Variants in ATP8A1 observed in about 807,000 individuals in gnomAD.
ATP8A1 encodes ATPase phospholipid transporting 8A1.
Under a neutral mutation model 177.7 loss-of-function variants are expected in ATP8A1, and 90 were observed. That is an observed-to-expected ratio of 0.51 (90% confidence interval 0.43 to 0.60). ATP8A1 has a LOEUF of 0.60. Ranked by LOEUF, ATP8A1 falls within the 20% of genes least tolerant of loss-of-function variation. The probability of loss-of-function intolerance (pLI) is 0.00; values close to 1 mark genes in which losing one functional copy is unlikely to be tolerated. For synonymous variants in ATP8A1, 493 were observed against 485.9 expected (o/e 1.01, Z -0.19); for missense variants, 1,072 against 1,392.8 (o/e 0.77, Z 3.67).
chr4:42,467,094 G>C (rs571040939), intron 25 of ATP8A1, among the ~76,000 whole-genome samples: 1 of 152,336 alleles, frequency 6.6e-6, no homozygotes, highest in South Asian at 2.1e-4. Context: ...ATCTCTGCAA[G>C]GTGAGCTGAC....
At chr4:42,547,550 T>C (rs1260216846) in intron 19 of ATP8A1, among the ~76,000 whole-genome samples, 1 of 152,200 alleles carries the variant, frequency 6.6e-6, no homozygotes, top group Non-Finnish European at 1.5e-5. Flanking sequence ...AAAAAACGTA[T>C]CTAAATGGCA....
chr4:42,588,906 T>C (rs1733889650), intron 7 of ATP8A1, among the ~76,000 whole-genome samples: 2 of 152,238 alleles, frequency 1.3e-5, no homozygotes, highest in East Asian at 1.9e-4. Context: ...AGCGGATATA[T>C]AGCTTTCTCC....
At chr4:42,530,268 C>T (rs563866776) in intron 20 of ATP8A1, among the ~76,000 whole-genome samples, 7 of 152,332 alleles carry the variant, frequency 4.6e-5, no homozygotes, top group East Asian at 1.9e-4. Context: ...ATTTGCCAGC[C>T]GCAGAGACCA....
At chr4:42,629,714 T>C (rs1449025598) in intron 1 of ATP8A1, among the ~76,000 whole-genome samples, 2 of 152,224 alleles carry the variant, frequency 1.3e-5, no homozygotes, top group Non-Finnish European at 2.9e-5. Context: ...CTCAGAAATA[T>C]CTCAGTGAAC....
At chr4:42,619,448 G>A (rs1362242977) in intron 4 of ATP8A1, among the ~76,000 whole-genome samples, 1 of 151,994 alleles carries the variant, frequency 6.6e-6, no homozygotes, top group East Asian at 1.9e-4. Flanking sequence ...CAATTTTAGA[G>A]TATTTCCAAG....
At chr4:42,614,806 T>G (rs1003904667) in intron 5 of ATP8A1, among the ~76,000 whole-genome samples, 1 of 152,284 alleles carries the variant, frequency 6.6e-6, no homozygotes, top group Non-Finnish European at 1.5e-5. Flanking sequence ...CTTATTTTCC[T>G]GAAAAACCCC....
chr4:42,500,066 G>A (rs1560393969), intron 24 of ATP8A1, among the ~76,000 whole-genome samples: 1 of 152,138 alleles, frequency 6.6e-6, no homozygotes, highest in African/African-American at 2.4e-5. Flanking sequence ...CTTTGCAGAT[G>A]CTTAAAGAAA....
At chr4:42,555,353 T>A (rs1428626993) in intron 16 of ATP8A1, among the ~76,000 whole-genome samples, 1 of 152,100 alleles carries the variant, frequency 6.6e-6, no homozygotes, top group Non-Finnish European at 1.5e-5. Context: ...TTCGATAACT[T>A]ATTTCTAAAA....
intron 22 of ATP8A1, among the ~76,000 whole-genome samples, chr4:42,510,235 T>G (rs547956099): frequency 1.3e-5 from 2 of 152,328 alleles, no homozygotes; most frequent in South Asian, 4.1e-4. Context: ...GAAGGTAAAT[T>G]TCTTTCAAGA....
At chr4:42,499,612 T>C (rs748473087) in intron 24 of ATP8A1, among the ~76,000 whole-genome samples, 2 of 152,238 alleles carry the variant, frequency 1.3e-5, no homozygotes, top group Non-Finnish European at 2.9e-5. Context: ...GCTATCTCAA[T>C]GAAACATGTC....
intron 36 of ATP8A1, among the ~76,000 whole-genome samples, chr4:42,413,538 T>A (rs1712866246): frequency 6.6e-6 from 1 of 152,214 alleles, no homozygotes; most frequent in Non-Finnish European, 1.5e-5. Flanking sequence ...ATCCTTTATA[T>A]AAAATGGCAC....
chr4:42,502,091 G>A (rs1422433032), intron 24 of ATP8A1, among the ~76,000 whole-genome samples: 1 of 151,592 alleles, frequency 6.6e-6, no homozygotes, highest in Non-Finnish European at 1.5e-5. Flanking sequence ...ATTACTCAGT[G>A]ACTCACTTCT....
chr4:42,443,010 C>T (rs189493794), intron 33 of ATP8A1, among the ~76,000 whole-genome samples: 185 of 152,278 alleles, frequency 1.2e-3, no homozygotes, highest in Middle Eastern at 3.4e-3. Flanking sequence ...AATTCCTACC[C>T]GTGTAACAAG....
chr4:42,656,550 G>A (rs1342360915), intron 1 of ATP8A1, among the ~76,000 whole-genome samples: 4 of 152,156 alleles, frequency 2.6e-5, no homozygotes, highest in Non-Finnish European at 5.9e-5. Flanking sequence ...GGGCGAGTGA[G>A]CTCAGTGACT....
chr4:42,656,756 AAC>A (rs972832153), intron 1 of ATP8A1, 67 bp downstream of exon 1: 96 of 1,429,392 alleles, frequency 6.7e-5, no homozygotes, highest in Non-Finnish European at 8.4e-5. Context: ...TTCCAGGATA[AAC>A]ACACACGCTC....
At chr4:42,434,216 A>G (rs1261878784) in intron 33 of ATP8A1, among the ~76,000 whole-genome samples, 2 of 152,182 alleles carry the variant, frequency 1.3e-5, no homozygotes, top group African/African-American at 4.8e-5. Context: ...CAAAATTTTA[A>G]AATACTATGA....
intron 28 of ATP8A1, 28 bp from the exon 29 acceptor site, chr4:42,455,447 C>A: frequency 6.2e-7 from 1 of 1,613,698 alleles, no homozygotes; most frequent in South Asian, 1.1e-5. Context: ...GTCATTATGT[C>A]AAGCAGCCAA....
At position 42,624,549 on chromosome 4, in the gene ATP8A1, ATC is replaced by A; in HGVS notation, c.348_349del (p.Glu116AspfsTer6). ...TAGAATACTTACAATATCTTCTATT[ATC>A]TCTTTGATAGCTGCCACAGCTAAAA... On this transcript the variant is annotated frameshift_variant, in exon 4 of 37. Transcript: ENST00000381668. LOFTEE classifies it high-confidence loss of function. 1.4e-6 allele frequency: 2 copies of A among 1,472,994 alleles called. No individual in the cohort carries two copies. The highest frequency in any genetic ancestry group is 1.8e-6 in the Non-Finnish European group (2 of 1,102,564). 91.2% of individuals were successfully genotyped at this position (1,472,994 alleles called of 1,614,324 possible). A position where few individuals can be genotyped will look rare whatever the true frequency, so the allele number is the denominator to read the frequency against.
intron 25 of ATP8A1, among the ~76,000 whole-genome samples, chr4:42,471,081 T>C (rs1483884066): frequency 6.6e-6 from 1 of 152,132 alleles, no homozygotes; most frequent in Non-Finnish European, 1.5e-5. Flanking sequence ...AAAAACCTGA[T>C]GTACAAAAAC....
Sources: gnomAD v4.1 joint callset for allele counts (sites outside exome capture counted in the v4.1 genomes callset) on GRCh38, gnomAD v4.1.1 for gene constraint, MANE v1.5 for transcripts, NCBI Gene and HGNC (gene_info 2026-07-23, HGNC 2026-07-21) for gene names.